Variants in ZGRF1 observed in about 807,000 individuals in gnomAD.
ZGRF1 encodes 5'-3' DNA helicase ZGRF1.
A neutral mutation model predicts 203.5 loss-of-function variants in ZGRF1; 196 were observed. That is an observed-to-expected ratio of 0.96 (90% CI 0.86 to 1.08). ZGRF1 has a LOEUF of 1.08. ZGRF1 is among the 50% of genes least tolerant of loss of function. The pLI is 0.00. For missense variants in ZGRF1, 2,326 were observed against 2,416.3 expected (o/e 0.96, Z 0.78); for synonymous variants, 809 against 841.3 (o/e 0.96, Z 0.66).
chr4:112,564,444 T>C (rs1742618423), intron 16 of ZGRF1, among the ~76,000 whole-genome samples: 1 of 152,192 alleles, frequency 6.6e-6, no homozygotes, highest in Non-Finnish European at 1.5e-5. Context: ...ATCTATCAAA[T>C]TGGATTCATC....
chr4:112,563,036 G>C (rs1429623066), intron 17 of ZGRF1, 95 bp downstream of exon 17: 4 of 983,924 alleles, frequency 4.1e-6, no homozygotes, highest in Middle Eastern at 3.3e-4. Context: ...GTCGAAACTA[G>C]AGTTGGGTCC....
At chr4:112,634,013 T>G (rs1265485626) in intron 1 of ZGRF1, among the ~76,000 whole-genome samples, 1 of 152,200 alleles carries the variant, frequency 6.6e-6, no homozygotes, top group Non-Finnish European at 1.5e-5. Flanking sequence ...AGTTTGAGAA[T>G]ACAGATCTAA....
At position 112,619,182 on chromosome 4, in the gene ZGRF1, A is replaced by G; in HGVS notation, c.860T>C (p.Leu287Ser). 6.2e-7 allele frequency: 1 copy of G among 1,613,432 alleles called. No individual in the cohort carries two copies. The highest frequency in any genetic ancestry group is 8.5e-7 in the Non-Finnish European group (1 of 1,179,956). Residue 287 changes from leucine (L) to serine (S), a missense_variant, in exon 6 of 28, where the codon TTA (leucine) becomes TCA (serine). Transcript: ENST00000505019. Reference sequence around the variant, plus strand: ...GTACTTTGGTTTAGTAGCAATTTTTAAACTTCCTTGTGGTTGTTTTTGAGG... The same window carrying G: ...GTACTTTGGTTTAGTAGCAATTTTTGAACTTCCTTGTGGTTGTTTTTGAGG... ...HFPQKQPQGS[L>S]KIATKPKYLI...
At chr4:112,599,735 A>T (rs774696165) in intron 10 of ZGRF1, among the ~76,000 whole-genome samples, 1 of 152,072 alleles carries the variant, frequency 6.6e-6, no homozygotes, top group Non-Finnish European at 1.5e-5. Context: ...AAAAAGGAAG[A>T]AAGAAAGAAA....
intron 22 of ZGRF1, among the ~76,000 whole-genome samples, chr4:112,552,203 A>G (rs1281882902): frequency 6.6e-6 from 1 of 151,774 alleles, no homozygotes; most frequent in East Asian, 1.9e-4. Flanking sequence ...GCTTGAACCA[A>G]GAGGTGGAGG....
intron 9 of ZGRF1, among the ~76,000 whole-genome samples, 155 bp from the exon 10 acceptor site, chr4:112,603,852 CTAT>C (rs1750354336): frequency 6.6e-6 from 1 of 152,194 alleles, no homozygotes; most frequent in African/African-American, 2.4e-5. Flanking sequence ...GGAAATTCTC[CTAT>C]TATCCTAAAA....
At chr4:112,575,417 TGGACAGTGGGTGCA>T (rs1176321303) in intron 16 of ZGRF1, among the ~76,000 whole-genome samples, 1 of 151,996 alleles carries the variant, frequency 6.6e-6, no homozygotes, top group Non-Finnish European at 1.5e-5. Context: ...TGGGGAGTGT[TGGACAGTGGGTGCA>T]GGACAGTGGG....
At chr4:112,576,304 T>C in intron 16 of ZGRF1, among the ~76,000 whole-genome samples, 1 of 151,918 alleles carries the variant, frequency 6.6e-6, no homozygotes, top group Non-Finnish European at 1.5e-5. Flanking sequence ...AGACCAATGG[T>C]AGATAAAACC....
chr4:112,566,929 C>T (rs775913639), intron 16 of ZGRF1, among the ~76,000 whole-genome samples: 4 of 151,492 alleles, frequency 2.6e-5, no homozygotes, highest in African/African-American at 9.7e-5. Flanking sequence ...TACTTCTGGT[C>T]CAGAAATCCT....
intron 16 of ZGRF1, chr4:112,565,520 T>G: frequency 1.6e-6 from 1 of 606,312 alleles, no homozygotes; most frequent in Non-Finnish European, 2.9e-6. Context: ...AAAAAGAGCT[T>G]CTGCACAGCA....
intron 21 of ZGRF1, 130 bp downstream of exon 21, chr4:112,554,575 T>A (rs1319795013): frequency 1.7e-6 from 1 of 583,274 alleles, no homozygotes; most frequent in Non-Finnish European, 3.1e-6. Flanking sequence ...AAAATACAGA[T>A]TTTCTAAGTT....
chr4:112,564,243 G>A (rs1398042749), intron 16 of ZGRF1, among the ~76,000 whole-genome samples: 1 of 152,144 alleles, frequency 6.6e-6, no homozygotes, highest in African/African-American at 2.4e-5. Flanking sequence ...GCTTCTTTCA[G>A]GAAAGCTGAC....
intron 10 of ZGRF1, among the ~76,000 whole-genome samples, chr4:112,592,522 T>G (rs1473916229): frequency 2.0e-5 from 3 of 152,222 alleles, no homozygotes; most frequent in African/African-American, 7.2e-5. Context: ...CTCATTTTAT[T>G]GGATGTCTCA....
intron 16 of ZGRF1, among the ~76,000 whole-genome samples, chr4:112,564,801 A>C (rs1268483324): frequency 6.6e-6 from 1 of 152,240 alleles, no homozygotes; most frequent in Admixed American, 6.5e-5. Context: ...TATACATTTA[A>C]AAAATAAAAA....
At chr4:112,608,975 T>G (rs1421047804) in intron 8 of ZGRF1, among the ~76,000 whole-genome samples, 1 of 152,086 alleles carries the variant, frequency 6.6e-6, no homozygotes, top group Non-Finnish European at 1.5e-5. Context: ...TTTCAAAAAC[T>G]GACAATATAT....
chr4:112,580,206 G>A (rs1307378862), intron 16 of ZGRF1, among the ~76,000 whole-genome samples: 1 of 124,168 alleles, frequency 8.1e-6, no homozygotes, highest in Non-Finnish European at 1.8e-5. Flanking sequence ...AATGTTGCTG[G>A]GAAAACTGGC....
At chr4:112,610,379 T>G (rs2087112) in intron 7 of ZGRF1, among the ~76,000 whole-genome samples, 59,817 of 151,796 alleles carry the variant, frequency 0.39, 12,015 homozygotes, top group South Asian at 0.49. Flanking sequence ...GAGACCAGCC[T>G]GGCAAACATG....
intron 22 of ZGRF1, among the ~76,000 whole-genome samples, chr4:112,550,659 C>T (rs1372518050): frequency 6.6e-6 from 1 of 152,064 alleles, no homozygotes; most frequent in Non-Finnish European, 1.5e-5. Flanking sequence ...TTGAGACCAG[C>T]CTGGCCAACG....
rs762831884 is a variant in ZGRF1, at chr4:112,585,745, A to G, written c.3917-20T>C. On this transcript the variant is annotated intron_variant, in intron 13 of 27. Transcript: ENST00000505019. ...GATGTTCTACAAAAAAAAAAAAAAG[A>G]GAGCAGAAAATTAAATACAAAATAA... is the stretch of plus-strand genomic sequence containing the variant. 6.7e-7 allele frequency: 1 copy of G among 1,487,602 alleles called. No homozygotes were observed. The highest frequency in any genetic ancestry group is 1.3e-5 in the South Asian group (1 of 77,124). 92.2% of individuals were successfully genotyped at this position (1,487,602 alleles called of 1,614,324 possible).
Sources: gnomAD v4.1 joint callset for allele counts (sites outside exome capture counted in the v4.1 genomes callset) on GRCh38, gnomAD v4.1.1 for gene constraint, MANE v1.5 for transcripts, NCBI Gene and HGNC (gene_info 2026-07-23, HGNC 2026-07-21) for gene names.